Variants in FAM161A observed in about 807,000 individuals in gnomAD.
The protein encoded by FAM161A is FAM161 centrosomal protein A, also known as protein FAM161A.
In FAM161A, 57 loss-of-function variants were observed where a neutral mutation model predicts 70.9. That is an observed-to-expected ratio of 0.80 (90% CI 0.65 to 1.00). The LOEUF (loss-of-function observed/expected upper bound fraction) is 1.00. Ranked by LOEUF, FAM161A falls within the 50% of genes least tolerant of loss-of-function variation. FAM161A has a pLI of 0.00. For synonymous variants in FAM161A, 299 were observed against 295.7 expected (o/e 1.01, Z -0.12); for missense variants, 880 against 836.0 (o/e 1.05, Z -0.65).
chr2:61,816,952 C>T, the FAM161A span, among the ~76,000 whole-genome samples: 1 of 152,086 alleles, frequency 6.6e-6, no homozygotes, highest in Non-Finnish European at 1.5e-5. Context: ...GAGTCACACA[C>T]CCGGAGTGGG....
chr2:61,806,985 C>A, the FAM161A span, among the ~76,000 whole-genome samples: 8 of 152,100 alleles, frequency 5.3e-5, no homozygotes, highest in African/African-American at 1.9e-4. Context: ...AGCCACCACA[C>A]CCAGCTCAAC....
At position 61,833,669 on chromosome 2, in the gene FAM161A, A is replaced by G. The variant is rs182948238; in HGVS notation, c.1851+2341T>C. On this transcript the variant is annotated intron_variant, in intron 5 of 6. Transcript: ENST00000404929. ...GAGTCTGTAATGAAAAAGATAAAAG[A>G]ACAGTTGAAAGAATGTTACTGAATA... 1.4e-3 allele frequency among the ~76,000 whole-genome samples: 208 copies of G among 152,222 alleles called. 1 individual carries two copies. The highest frequency in any genetic ancestry group is 4.6e-3 in the African/African-American group (191 of 41,518).
chr2:61,846,874 T>C, intron 1 of FAM161A: 1 of 451,846 alleles, frequency 2.2e-6, no homozygotes, highest in Non-Finnish European at 4.4e-6. Flanking sequence ...AGTATGCAGT[T>C]TTCACTCGAA....
chr2:61,829,574 T>G (rs1384442662), intron 5 of FAM161A, among the ~76,000 whole-genome samples: 1 of 151,972 alleles, frequency 6.6e-6, no homozygotes, highest in Non-Finnish European at 1.5e-5. Flanking sequence ...AAATGAGAAA[T>G]AAGAACTATA....
rs149314387 is a variant in FAM161A, at chr2:61,839,991, C to T, written c.1013G>A (p.Arg338Gln). 1.1e-3 allele frequency: 1,777 copies of T among 1,614,126 alleles called. 25 individuals are homozygous for T. In the African/African-American group the frequency reaches 0.021, roughly 19 times the overall value. Residue 338 changes from arginine (R) to glutamine (Q), a missense_variant, in exon 3 of 7, where the codon CGG becomes CAG. Arg to Gln is a conservative substitution (Grantham distance 43). Transcript: ENST00000404929. ...AAGAAAGTCTCTCAGCTGCTTTTCC[C>T]GGGCTGCTCGCTTCTGTTCCTCCCT... ...IAREEQKRAA[R>Q]EKQLRDFLKY...
chr2:61,807,242 A>T, the FAM161A span, among the ~76,000 whole-genome samples: 2 of 152,084 alleles, frequency 1.3e-5, no homozygotes, highest in African/African-American at 4.8e-5. Flanking sequence ...GAAGCAAAGC[A>T]AGTTAGTTCT....
intron 1 of FAM161A, chr2:61,846,787 C>T: frequency 2.8e-6 from 1 of 358,890 alleles, no homozygotes; most frequent in Non-Finnish European, 5.6e-6. Flanking sequence ...TGACTGCTTC[C>T]TGTCGGCTTG....
the FAM161A span, among the ~76,000 whole-genome samples, chr2:61,801,775 G>A: frequency 6.6e-6 from 1 of 152,054 alleles, no homozygotes; most frequent in Admixed American, 6.6e-5. Flanking sequence ...TGGCCAGGCT[G>A]GTCTCAAACT....
chr2:61,804,350 G>A, the FAM161A span, among the ~76,000 whole-genome samples: 5 of 152,082 alleles, frequency 3.3e-5, no homozygotes, highest in Non-Finnish European at 5.9e-5. Context: ...AACCGTCTGG[G>A]AATACAGCCC....
chr2:61,817,487 G>T, the FAM161A span, among the ~76,000 whole-genome samples: 1 of 152,098 alleles, frequency 6.6e-6, no homozygotes, highest in Non-Finnish European at 1.5e-5. Flanking sequence ...ATTGAAATAA[G>T]GATTTACATT....
chr2:61,846,263 G>T (rs900009849), intron 1 of FAM161A, among the ~76,000 whole-genome samples: 18 of 152,048 alleles, frequency 1.2e-4, no homozygotes, highest in Admixed American at 9.2e-4. Flanking sequence ...CCGGATAAAA[G>T]GAGAGGAAAA....
At chr2:61,805,305 C>T in the FAM161A span, among the ~76,000 whole-genome samples, 1 of 152,166 alleles carries the variant, frequency 6.6e-6, no homozygotes, top group Non-Finnish European at 1.5e-5. Context: ...CACCTGAGGT[C>T]AGGAGTTCGA....
chr2:61,831,348 T>G (rs1368979432), intron 5 of FAM161A, among the ~76,000 whole-genome samples: 1 of 152,088 alleles, frequency 6.6e-6, no homozygotes, highest in African/African-American at 2.4e-5. Flanking sequence ...TCCCAGGTTA[T>G]GTACCTGCTC....
the FAM161A span, among the ~76,000 whole-genome samples, chr2:61,804,304 A>C: frequency 1.3e-5 from 2 of 152,162 alleles, no homozygotes; most frequent in African/African-American, 4.8e-5. Flanking sequence ...TCTTGTGCTG[A>C]CCTTGTATCT....
At chr2:61,808,271 A>T in the FAM161A span, among the ~76,000 whole-genome samples, 1 of 142,918 alleles carries the variant, frequency 7.0e-6, no homozygotes, top group Non-Finnish European at 1.5e-5. Context: ...GATTATTATT[A>T]TTATTTTTTT....
rs750273289 is a variant in FAM161A, at chr2:61,840,209, T to C, written c.795A>G (p.Val265=). The C allele has an allele frequency of 3.7e-6, 6 of 1,613,880 alleles. No homozygotes were observed. In the African/African-American group the frequency reaches 8.0e-5, roughly 22 times the overall value. ...SMKSKSDIEM[V]HKALKKQEED... ...CTTCTTGTTTTTTGAGCGCTTTATGTACCATTTCGATATCTGATTTAGATT... is the reference window on the plus strand; with the variant it reads ...CTTCTTGTTTTTTGAGCGCTTTATGCACCATTTCGATATCTGATTTAGATT... Residue 265 remains valine, a synonymous_variant, in exon 3 of 7, where the codon GTA becomes GTG. Transcript: ENST00000404929.
In FAM161A at chr2:61,840,233, T is replaced by C. The variant is rs939013046; in HGVS notation, c.771A>G (p.Lys257=). 8.1e-6 allele frequency: 13 copies of C among 1,613,916 alleles called. No individual in the cohort carries two copies. The highest frequency in any genetic ancestry group is 1.7e-5 in the Admixed American group (1 of 59,966). Residue 257 remains lysine (K), a synonymous_variant, in exon 3 of 7, where the codon AAA becomes AAG. Transcript: ENST00000404929. Reference sequence around the variant, plus strand: ...GTACCATTTCGATATCTGATTTAGATTTCATGGACTCTTCTTTTTTCTTCT... The same window carrying C: ...GTACCATTTCGATATCTGATTTAGACTTCATGGACTCTTCTTTTTTCTTCT... The part of the protein sequence containing the change: ...REQKKKEESM[K]SKSDIEMVHK...
chr2:61,832,938 A>G (rs1672637271), intron 5 of FAM161A, among the ~76,000 whole-genome samples: 1 of 152,130 alleles, frequency 6.6e-6, no homozygotes, highest in Non-Finnish European at 1.5e-5. Context: ...GTGGAGCAGG[A>G]CACTTGTGGG....
At chr2:61,802,758 C>G in the FAM161A span, among the ~76,000 whole-genome samples, 2 of 152,134 alleles carry the variant, frequency 1.3e-5, no homozygotes, top group African/African-American at 4.8e-5. Flanking sequence ...TCCTATGCAC[C>G]AGGCACTATA....
Sources: allele counts gnomAD v4.1 joint callset (sites outside exome capture counted in the v4.1 genomes callset), GRCh38; gene constraint gnomAD v4.1.1; transcripts MANE v1.5; gene names NCBI Gene and HGNC (gene_info 2026-07-23, HGNC 2026-07-21).